Variants in PCSK5 observed in about 807,000 individuals in gnomAD.
The protein encoded by PCSK5 is prohormone convertase 5.
A neutral mutation model predicts 233.2 loss-of-function variants in PCSK5; 129 were observed. The ratio of observed to expected loss-of-function variants is 0.55; its 90% CI spans 0.48 to 0.64. PCSK5 has a LOEUF of 0.64. Among genes scored for constraint, PCSK5 ranks in the 30% least tolerant of loss-of-function variants. The pLI is 0.00. For missense variants in PCSK5, 2,076 were observed against 2,430.1 expected, an observed-to-expected ratio of 0.85 and a Z score of 3.06; for synonymous variants, 825 against 879.2, an observed-to-expected ratio of 0.94 and a Z score of 1.09.
At chr9:76,034,610 T>A (rs1213059798) in intron 5 of PCSK5, among the ~76,000 whole-genome samples, 1 of 152,060 alleles carries the variant, frequency 6.6e-6, no homozygotes, top group Non-Finnish European at 1.5e-5. Context: ...CTCCTTCACC[T>A]CCCACGCATG....
intron 3 of PCSK5, among the ~76,000 whole-genome samples, chr9:75,986,929 AT>A (rs1429838898): frequency 6.6e-6 from 1 of 152,218 alleles, no homozygotes; most frequent in Non-Finnish European, 1.5e-5. Context: ...TGAGAAATGA[AT>A]TTGAATATGT....
chr9:75,901,454 C>A (rs534330977), intron 1 of PCSK5, among the ~76,000 whole-genome samples: 7 of 152,162 alleles, frequency 4.6e-5, no homozygotes, highest in African/African-American at 1.7e-4. Flanking sequence ...GGGAACATCA[C>A]ACACTGGAGC....
chr9:76,189,696 G>A lies in PCSK5; in HGVS notation c.2576G>A (p.Gly859Glu). ...AAGAACTGTACAAGCTGCCCTAGTGGGTATCTCTTAGACTTAGGAATGTGT... is the reference window on the plus strand; with the variant it reads ...AAGAACTGTACAAGCTGCCCTAGTGAGTATCTCTTAGACTTAGGAATGTGT... ...GFKNCTSCPS[G>E]YLLDLGMCQM... The change falls in exon 20 of 38, where the codon GGG (glycine) becomes GAG (glutamate). Residue 859 changes from glycine to glutamate, a missense_variant. Physicochemically the swap from Gly to Glu is moderately conservative, Grantham distance 98 (BLOSUM62 -2). Around this residue, in one of 6 missense-constraint regions of PCSK5, gnomAD observed 1,510 missense variants for 1,538.1 expected, o/e 0.98. Coordinates refer to ENST00000674117, the MANE Select transcript of PCSK5 (RefSeq NM_001372043.1). 1 of 1,612,978 alleles carries A rather than the reference G, an allele frequency of 6.2e-7. No individual in the cohort carries two copies. The highest frequency in any genetic ancestry group is 8.5e-7 in the Non-Finnish European group (1 of 1,179,088).
intron 24 of PCSK5, among the ~76,000 whole-genome samples, chr9:76,254,429 C>A (rs1311280076): frequency 6.6e-6 from 1 of 151,678 alleles, no homozygotes; most frequent in Non-Finnish European, 1.5e-5. Flanking sequence ...AAATGTCTAA[C>A]TTTTTTCTTC....
At chr9:76,212,318 C>A (rs954403523) in intron 20 of PCSK5, among the ~76,000 whole-genome samples, 1 of 152,146 alleles carries the variant, frequency 6.6e-6, no homozygotes. Flanking sequence ...AGCGTCTGCA[C>A]TATATTTTGC....
intron 21 of PCSK5, among the ~76,000 whole-genome samples, chr9:76,230,754 T>C (rs1312642250): frequency 6.6e-6 from 1 of 152,104 alleles, no homozygotes; most frequent in African/African-American, 2.4e-5. Context: ...ATGTGAGGAA[T>C]CTAGGTTGCG....
At chr9:76,172,278 C>T (rs1564078308) in intron 13 of PCSK5, among the ~76,000 whole-genome samples, 1 of 151,946 alleles carries the variant, frequency 6.6e-6, no homozygotes, top group East Asian at 1.9e-4. Flanking sequence ...GGATTTTTCT[C>T]CTTCTGTATT....
chr9:76,272,228 C>T (rs1176896994), intron 24 of PCSK5, among the ~76,000 whole-genome samples: 2 of 152,082 alleles, frequency 1.3e-5, no homozygotes, highest in African/African-American at 4.8e-5. Flanking sequence ...CAAGTCTTTT[C>T]TACTTCCTAA....
At chr9:76,221,344 C>A (rs1825722098) in intron 20 of PCSK5, among the ~76,000 whole-genome samples, 1 of 152,192 alleles carries the variant, frequency 6.6e-6, no homozygotes, top group Non-Finnish European at 1.5e-5. Context: ...AGCAAAGCTA[C>A]TTGGAACACT....
At chr9:76,051,410 A>G (rs565247423) in intron 5 of PCSK5, among the ~76,000 whole-genome samples, 1 of 152,328 alleles carries the variant, frequency 6.6e-6, no homozygotes, top group South Asian at 2.1e-4. Context: ...TGAATTATTT[A>G]GACTTGAGAA....
At chr9:76,222,748 T>G (rs1825768673) in intron 20 of PCSK5, among the ~76,000 whole-genome samples, 1 of 152,218 alleles carries the variant, frequency 6.6e-6, no homozygotes, top group South Asian at 2.1e-4. Flanking sequence ...CCTCATAGTT[T>G]GAGCCTTGCT....
chr9:76,291,674 A>G (rs540670628), intron 24 of PCSK5, among the ~76,000 whole-genome samples: 2 of 152,216 alleles, frequency 1.3e-5, no homozygotes, highest in Non-Finnish European at 2.9e-5. Flanking sequence ...GCCAGCAGGG[A>G]TGCATTGAAT....
rs139906348 is a variant in PCSK5, at chr9:76,003,500, C to T, written c.411+17255C>T. Among the ~76,000 whole-genome samples, 100 of 152,280 alleles carry T rather than the reference C, an allele frequency of 6.6e-4. 1 individual carries two copies. In the East Asian group the frequency reaches 0.017, roughly 25 times the overall value. The stretch of plus-strand genomic sequence containing the variant: ...AACACATATTAATACCTTCCATTCA[C>T]CTGGATTTACCAAAAAGTTAATATT... On this transcript the variant is annotated intron_variant, in intron 3 of 37. Transcript: ENST00000674117.
chr9:76,074,611 A>G (rs773016094), intron 7 of PCSK5, among the ~76,000 whole-genome samples: 35 of 152,168 alleles, frequency 2.3e-4, no homozygotes, highest in Non-Finnish European at 3.4e-4. Context: ...ATTGAGTCCA[A>G]TATTTGCCAT....
At chr9:75,926,391 G>T (rs1368592420) in intron 1 of PCSK5, among the ~76,000 whole-genome samples, 1 of 152,114 alleles carries the variant, frequency 6.6e-6, no homozygotes, top group African/African-American at 2.4e-5. Context: ...ACCTTTGCCA[G>T]TTTTTTGTGA....
chr9:76,198,009 T>C (rs1302958673), intron 20 of PCSK5, among the ~76,000 whole-genome samples: 1 of 152,242 alleles, frequency 6.6e-6, no homozygotes, highest in African/African-American at 2.4e-5. Context: ...ATCTGTATAA[T>C]CCTGTCTCCT....
At chr9:76,060,266 C>G (rs1168101834) in intron 5 of PCSK5, among the ~76,000 whole-genome samples, 1 of 151,986 alleles carries the variant, frequency 6.6e-6, no homozygotes, top group East Asian at 1.9e-4. Flanking sequence ...GACTGGAAGC[C>G]TTATTAATAA....
At chr9:75,930,254 A>C (rs1453862231) in intron 1 of PCSK5, among the ~76,000 whole-genome samples, 1 of 152,152 alleles carries the variant, frequency 6.6e-6, no homozygotes, top group African/African-American at 2.4e-5. Flanking sequence ...CTCCCACAAC[A>C]TGAGGGAATT....
chr9:76,114,594 A>C (rs552736109), intron 9 of PCSK5, among the ~76,000 whole-genome samples: 18 of 152,294 alleles, frequency 1.2e-4, no homozygotes, highest in African/African-American at 4.3e-4. Flanking sequence ...CCTATGTGAG[A>C]AAACTAAGAA....
Sources: gnomAD v4.1 joint callset for allele counts (sites outside exome capture counted in the v4.1 genomes callset) on GRCh38, gnomAD v4.1.1 for gene constraint, gnomAD v4.1.1 regional missense constraint, MANE v1.5 for transcripts, NCBI Gene and HGNC (gene_info 2026-07-23, HGNC 2026-07-21) for gene names.